ITGAE: variants seen among roughly 807,000 people sequenced by gnomAD.
ITGAE encodes integrin alpha-E.
Under a neutral mutation model 136.5 loss-of-function variants are expected in ITGAE, and 99 were observed. The ratio of observed to expected loss-of-function variants is 0.73; its 90% CI spans 0.62 to 0.86. The LOEUF (loss-of-function observed/expected upper bound fraction) is 0.86, where lower values mean the gene tolerates loss of function less well. Among genes scored for constraint, ITGAE ranks in the 40% least tolerant of loss-of-function variants. The pLI is 0.00. For synonymous variants in ITGAE, 613 were observed against 591.8 expected, an observed-to-expected ratio of 1.04 and a Z score of -0.52; for missense variants, 1,447 against 1,515.3, an observed-to-expected ratio of 0.95 and a Z score of 0.75.
chr17:3,732,603 A>G, intron 21 of ITGAE, 137 bp from the exon 22 acceptor site: 2 of 700,788 alleles, frequency 2.9e-6, no homozygotes, highest in Non-Finnish European at 5.0e-6. Flanking sequence ...AAAGAAATAA[A>G]GTCCACTTGG....
At chr17:3,755,978 C>T (rs576417860) in intron 10 of ITGAE, 81 bp from the exon 11 acceptor site, 3 of 1,369,676 alleles carry the variant, frequency 2.2e-6, no homozygotes, top group Non-Finnish European at 3.0e-6. Context: ...CCAGCTTGGC[C>T]TCACTCCCAG....
At chr17:3,739,953 T>C in intron 19 of ITGAE, 75 bp from the exon 20 acceptor site, 5 of 1,247,868 alleles carry the variant, frequency 4.0e-6, no homozygotes, top group Non-Finnish European at 5.9e-6. Flanking sequence ...CTCTTCTCCT[T>C]ATAGGAAGTT....
chr17:3,739,315 C>A (rs973210263), intron 20 of ITGAE, among the ~76,000 whole-genome samples: 1 of 152,184 alleles, frequency 6.6e-6, no homozygotes, highest in East Asian at 1.9e-4. Context: ...ATCTTCTCCC[C>A]CTAAGAGCAC....
intron 1 of ITGAE, chr17:3,784,467 T>C (rs931558338): frequency 3.6e-5 from 6 of 166,316 alleles, no homozygotes; most frequent in Non-Finnish European, 7.8e-5. Context: ...CAATCTTGGC[T>C]GACTGCAACC....
At chr17:3,753,154 G>T in intron 14 of ITGAE, 136 bp downstream of exon 14, 2 of 906,344 alleles carry the variant, frequency 2.2e-6, no homozygotes, top group South Asian at 1.8e-5. Flanking sequence ...CCGCCCAGCC[G>T]CCATCCAGCC....
At chr17:3,732,506 CA>C in intron 21 of ITGAE, 40 bp from the exon 22 acceptor site, 1 of 1,526,312 alleles carries the variant, frequency 6.6e-7, no homozygotes. Flanking sequence ...AAGAGCCAAA[CA>C]AAACAAAACA....
rs1193323827 is a variant in ITGAE, at chr17:3,723,729, T to G, written c.3100A>C (p.Thr1034Pro). 6.2e-7 allele frequency: 1 copy of G among 1,606,482 alleles called. No individual in the cohort carries two copies. Among genetic ancestry groups the G allele is most frequent in the South Asian group, 1.1e-5 (1 of 90,230 alleles). Reference protein sequence around the residue: ...LTRTQASTVCTWSQERACAYS... With the variant: ...LTRTQASTVCPWSQERACAYS... ...GCACAAGCGCGCTCCTGACTCCAGG[T>G]GCACACCGTGGAGGCCTGAAACGAG... is the stretch of plus-strand genomic sequence containing the variant. Residue 1034 changes from threonine to proline, a missense_variant, in exon 27 of 31, where the codon ACC (threonine) becomes CCC (proline). Physicochemically the swap from Thr to Pro is conservative, Grantham distance 38. This residue lies in a region of ITGAE where 1,031 missense variants were observed against 1,011.4 expected (regional missense o/e 1.02). Transcript: ENST00000263087.
intron 24 of ITGAE, among the ~76,000 whole-genome samples, chr17:3,728,998 T>C (rs1388666502): frequency 6.6e-6 from 1 of 150,560 alleles, no homozygotes; most frequent in African/African-American, 2.4e-5. Flanking sequence ...ATGGCACCAC[T>C]GCACTCCAGC....
In ITGAE at chr17:3,732,435, G is replaced by C; in HGVS notation, c.2687C>G (p.Pro896Arg). The C allele has an allele frequency of 6.2e-7, 1 of 1,614,152 alleles. No individual in the cohort carries two copies. Among genetic ancestry groups the C allele is most frequent in the South Asian group, 1.1e-5 (1 of 91,092 alleles). Reference sequence around the variant, plus strand: ...GATCAGGACAGAAGCAACCGGCTGAGGGTCATCACACTGAATGTTTGGAGA... The same window carrying C: ...GATCAGGACAGAAGCAACCGGCTGACGGTCATCACACTGAATGTTTGGAGA... The part of the protein sequence containing the change: ...PPSPNIQCDD[P>R]QPVASVLIMN... The change falls in exon 22 of 31, where the codon CCT (proline) becomes CGT (arginine). Residue 896 changes from proline (P) to arginine (R), a missense_variant. By Grantham distance (103) the Pro-to-Arg change is moderately radical. Transcript: ENST00000263087.
chr17:3,754,026 G>A, intron 12 of ITGAE, 101 bp from the exon 13 acceptor site: 1 of 1,362,708 alleles, frequency 7.3e-7, no homozygotes, highest in East Asian at 2.4e-5. Flanking sequence ...AGTGGCCTGG[G>A]GAGGGGGGCA....
At chr17:3,794,572 C>T (rs1036556509) in intron 1 of ITGAE, among the ~76,000 whole-genome samples, 6 of 152,308 alleles carry the variant, frequency 3.9e-5, no homozygotes, top group African/African-American at 1.4e-4. Flanking sequence ...TTACAGCCTA[C>T]ATAGACTCTC....
At chr17:3,741,163 C>T (rs1488168186) in intron 19 of ITGAE, among the ~76,000 whole-genome samples, 2 of 149,440 alleles carry the variant, frequency 1.3e-5, no homozygotes, top group South Asian at 2.1e-4. Context: ...CTGCAAGCTC[C>T]GCCTCCCGGG....
intron 12 of ITGAE, among the ~76,000 whole-genome samples, 153 bp from the exon 13 acceptor site, chr17:3,754,078 A>G (rs1190025475): frequency 6.6e-6 from 1 of 152,148 alleles, no homozygotes; most frequent in East Asian, 1.9e-4. Context: ...AAAAATCGGC[A>G]TCAGCGAGCA....
chr17:3,752,139 C>T (rs969845582), intron 14 of ITGAE, among the ~76,000 whole-genome samples: 2 of 152,184 alleles, frequency 1.3e-5, no homozygotes, highest in Non-Finnish European at 1.5e-5. Context: ...GATGCACGCT[C>T]ACTGGCCAGG....
rs767744580 is a variant in ITGAE at position 3,757,834 on chromosome 17, C to T, written c.892G>A (p.Gly298Ser). 8 of 1,614,092 alleles carry T rather than the reference C, an allele frequency of 5.0e-6. No individual in the cohort carries two copies. Among genetic ancestry groups the T allele is most frequent in the South Asian group, 3.3e-5 (3 of 91,076 alleles). Residue 298 changes from glycine (G) to serine (S), a missense_variant, in exon 9 of 31, where the codon GGC becomes AGC. Gly to Ser is a moderately conservative substitution (Grantham distance 56). Around this residue, in one of 3 missense-constraint regions of ITGAE, gnomAD observed 310 missense variants for 416.1 expected, o/e 0.74. Coordinates refer to ENST00000263087, the MANE Select transcript of ITGAE (RefSeq NM_002208.5). ...ACCTTGGATGCCTTTCTCCTGGAGC[C>T]GTGGCTTGAGGTGAAGATGCTGTCT... ...VLDSIFTSSH[G>S]SRRKASKVMV...
At chr17:3,784,140 G>A (rs1019860084) in intron 1 of ITGAE, among the ~76,000 whole-genome samples, 175 of 152,064 alleles carry the variant, frequency 1.2e-3, no homozygotes, top group African/African-American at 3.7e-3. Context: ...GGCGCCTGTA[G>A]TCCCAGCTAC....
chr17:3,724,960 A>T, intron 26 of ITGAE: 1 of 1,614,168 alleles, frequency 6.2e-7, no homozygotes, highest in Non-Finnish European at 8.5e-7. Context: ...AAGAGCAAAC[A>T]TCAGGAGGCA....
At chr17:3,792,634 G>A (rs2052971258) in intron 1 of ITGAE, among the ~76,000 whole-genome samples, 1 of 152,188 alleles carries the variant, frequency 6.6e-6, no homozygotes. Flanking sequence ...CGCAGTGCCA[G>A]CACTTTCTAT....
intron 2 of ITGAE, 36 bp downstream of exon 2, chr17:3,777,504 C>A: frequency 6.4e-7 from 1 of 1,570,038 alleles, no homozygotes; most frequent in South Asian, 1.1e-5. Context: ...GGAAGCCCCT[C>A]AGTCTGAAGG....
Sources: gnomAD v4.1 joint callset for allele counts (sites outside exome capture counted in the v4.1 genomes callset) on GRCh38, gnomAD v4.1.1 for gene constraint, gnomAD v4.1.1 regional missense constraint, MANE v1.5 for transcripts, NCBI Gene and HGNC (gene_info 2026-07-23, HGNC 2026-07-21) for gene names.